NGEF: variants seen among roughly 807,000 people sequenced by gnomAD.
The protein encoded by NGEF is neuronal guanine nucleotide exchange factor.
In NGEF, 31 loss-of-function variants were observed where a neutral mutation model predicts 80.9. The ratio of observed to expected loss-of-function variants is 0.38; its 90% CI spans 0.29 to 0.52. The LOEUF is 0.52. Among genes scored for constraint, NGEF ranks in the 20% least tolerant of loss-of-function variants. NGEF has a pLI of 0.84. For missense variants in NGEF, 709 were observed against 926.2 expected (o/e 0.77, Z 3.04); for synonymous variants, 371 against 370.2 (o/e 1.00, Z -0.03).
intron 1 of NGEF, among the ~76,000 whole-genome samples, chr2:232,995,322 G>A (rs376000355): frequency 2.3e-4 from 1 of 4,412 alleles, no homozygotes; most frequent in African/African-American, 1.7e-3. Context: ...TACTGTATAT[G>A]TGTACAGTAT....
At chr2:233,007,282 G>A (rs956364934) in intron 1 of NGEF, among the ~76,000 whole-genome samples, 9 of 152,128 alleles carry the variant, frequency 5.9e-5, no homozygotes, top group Admixed American at 2.0e-4. Context: ...AACTTTTAAA[G>A]CAAATAGCGT....
At position 232,891,460 on chromosome 2, in the gene NGEF, C is replaced by T. The variant is rs751209744; in HGVS notation, c.1170G>A (p.Leu390=). The T allele has an allele frequency of 1.2e-6, 2 of 1,613,122 alleles. No individual in the cohort carries two copies. The highest frequency in any genetic ancestry group is 1.7e-5 in the Admixed American group (1 of 59,998). The change falls in exon 8 of 15, where the codon CTG becomes CTA. Residue 390 remains leucine (L), a synonymous_variant. Coordinates refer to ENST00000264051, the MANE Select transcript of NGEF (RefSeq NM_019850.3). ...LLQEKAAFRE[L]IAQLELDPKC... ...TGGGGTCGAGCTCTAGCTGCGCGAT[C>T]AGCTCCCGGAAAGCTGCCTTCTCCT... is the stretch of plus-strand genomic sequence containing the variant.
At chr2:232,970,854 C>T (rs1374087271) in intron 2 of NGEF, among the ~76,000 whole-genome samples, 2 of 151,124 alleles carry the variant, frequency 1.3e-5, no homozygotes, top group African/African-American at 4.9e-5. Flanking sequence ...TTTACATATA[C>T]ATAAACATAC....
intron 5 of NGEF, among the ~76,000 whole-genome samples, chr2:232,905,194 C>A (rs2106257110): frequency 6.6e-6 from 1 of 152,290 alleles, no homozygotes; most frequent in Non-Finnish European, 1.5e-5. Flanking sequence ...CTCACTGCAA[C>A]CTCCCTGCCT....
At chr2:232,972,918 G>A (rs759706372) in intron 2 of NGEF, among the ~76,000 whole-genome samples, 4 of 151,752 alleles carry the variant, frequency 2.6e-5, no homozygotes, top group East Asian at 1.9e-4. Context: ...CACCATGCCC[G>A]GCTAATTTTT....
At position 232,953,640 on chromosome 2, in the gene NGEF, G is replaced by A. The variant is rs115317342; in HGVS notation, c.383+16574C>T. Among the ~76,000 whole-genome samples, 1,424 of 152,142 alleles carry A rather than the reference G, an allele frequency of 9.4e-3. 21 individuals are homozygous for A. Among genetic ancestry groups the A allele is most frequent in the African/African-American group, 0.033 (1,358 of 41,482 alleles). ...CCTAGGGGGAGATCTGCCCAGAGCCGGGGTCTTCTCCCAGAAAAGCAGTTC... is the reference window on the plus strand; with the variant it reads ...CCTAGGGGGAGATCTGCCCAGAGCCAGGGTCTTCTCCCAGAAAAGCAGTTC... On this transcript the variant is annotated intron_variant, in intron 3 of 14. Transcript: ENST00000264051.
At position 232,879,425 on chromosome 2, in the gene NGEF, C is replaced by CA; in HGVS notation, c.*63_*64insT. 7.0e-7 allele frequency: 1 copy of CA among 1,424,244 alleles called. No homozygotes were observed. The highest frequency in any genetic ancestry group is 1.4e-5 in the South Asian group (1 of 72,088). 88.2% of individuals were successfully genotyped at this position (1,424,244 alleles called of 1,614,324 possible). A position where few individuals can be genotyped will look rare whatever the true frequency, so the allele number is the denominator to read the frequency against. On this transcript the variant is annotated 3_prime_UTR_variant, in exon 15 of 15. Coordinates refer to ENST00000264051, the MANE Select transcript of NGEF (RefSeq NM_019850.3). The stretch of plus-strand genomic sequence containing the variant: ...GCTGGCCTGTGCTTCCCAGAGCCCC[C>CA]CCCCCCCCACCTTCTGTCGGGGTCT...
In NGEF at chr2:232,974,686, T is replaced by C. The variant is rs1694256137; in HGVS notation, c.205A>G (p.Ile69Val). ...GCCTTGGCTTTGCTTTTGCGTCTTA[T>C]GGAGCGATTGAAGATGGAATTTCTC... The part of the protein sequence containing the change: ...IKRNSIFNRS[I>V]RRKSKAKARD... The change falls in exon 2 of 15, where the codon ATA becomes GTA. Residue 69 changes from isoleucine (I) to valine (V), a missense_variant. Ile to Val is a conservative substitution (Grantham distance 29). Coordinates refer to ENST00000264051, the MANE Select transcript of NGEF (RefSeq NM_019850.3). 1 of 1,614,114 alleles carries C rather than the reference T, an allele frequency of 6.2e-7. No homozygotes were observed. The highest frequency in any genetic ancestry group is 8.5e-7 in the Non-Finnish European group (1 of 1,180,056).
At chr2:232,973,737 A>G (rs11678495) in intron 2 of NGEF, among the ~76,000 whole-genome samples, 89,664 of 152,142 alleles carry the variant, frequency 0.59, 27,629 homozygotes, top group African/African-American at 0.73. Flanking sequence ...GAGGTTAGGT[A>G]AACTGGCCCA....
At chr2:232,955,467 C>T (rs1044931259) in intron 3 of NGEF, among the ~76,000 whole-genome samples, 3 of 152,148 alleles carry the variant, frequency 2.0e-5, no homozygotes, top group African/African-American at 4.8e-5. Context: ...CTGATCAGCT[C>T]TTTGCTGTCC....
intron 1 of NGEF, among the ~76,000 whole-genome samples, chr2:232,998,437 C>T (rs1559242590): frequency 6.6e-6 from 1 of 152,142 alleles, no homozygotes; most frequent in Non-Finnish European, 1.5e-5. Flanking sequence ...AGCATGGCTG[C>T]CCCAGTCAAA....
intron 5 of NGEF, among the ~76,000 whole-genome samples, chr2:232,902,178 C>CA (rs1692376476): frequency 6.6e-6 from 1 of 152,332 alleles, no homozygotes; most frequent in South Asian, 2.1e-4. Context: ...AGCAAGGTCA[C>CA]AAAGTTGCCT....
intron 1 of NGEF, among the ~76,000 whole-genome samples, chr2:232,994,369 C>CAAAAAAAAAAAAAAAA (rs10591943): frequency 7.8e-6 from 1 of 128,980 alleles, no homozygotes. Flanking sequence ...GACTTTGTCT[C>CAAAAAAAAAAAAAAAA]AAAAAAAAAA....
chr2:232,919,476 T>G (rs1213843919), intron 5 of NGEF, among the ~76,000 whole-genome samples: 1 of 152,080 alleles, frequency 6.6e-6, no homozygotes, highest in Non-Finnish European at 1.5e-5. Context: ...CTTTTTAAAT[T>G]TCACAATTAA....
At chr2:232,980,795 G>T (rs6760133) in intron 1 of NGEF, among the ~76,000 whole-genome samples, 94,409 of 152,012 alleles carry the variant, frequency 0.62, 29,790 homozygotes, top group East Asian at 0.87. Flanking sequence ...CAGACAGCTC[G>T]CAGAGCATTC....
chr2:232,967,706 GGTGTGTGTGT>G (rs10686172), intron 3 of NGEF, among the ~76,000 whole-genome samples: 36 of 148,450 alleles, frequency 2.4e-4, no homozygotes, highest in East Asian at 2.0e-4. Flanking sequence ...ATAAAATAGG[GGTGTGTGTGT>G]GTGTGTGTGT....
At chr2:232,948,176 T>C (rs1294584030) in intron 3 of NGEF, among the ~76,000 whole-genome samples, 1 of 150,044 alleles carries the variant, frequency 6.7e-6, no homozygotes, top group East Asian at 2.0e-4. Flanking sequence ...TGTGTGTGTG[T>C]GTGTGTGTAT....
chr2:232,886,486 G>A (rs770090253), intron 9 of NGEF, among the ~76,000 whole-genome samples: 10 of 152,256 alleles, frequency 6.6e-5, no homozygotes, highest in East Asian at 1.9e-4. Flanking sequence ...TGTTTAGGGC[G>A]AGCTGCAGCC....
intron 4 of NGEF, among the ~76,000 whole-genome samples, chr2:232,921,680 T>A (rs1692947132): frequency 6.6e-6 from 1 of 151,728 alleles, no homozygotes. Context: ...CAGGCTGGTC[T>A]TGAATTCCTG....
Sources: allele counts gnomAD v4.1 joint callset (sites outside exome capture counted in the v4.1 genomes callset), GRCh38; gene constraint gnomAD v4.1.1; transcripts MANE v1.5; gene names NCBI Gene and HGNC (gene_info 2026-07-23, HGNC 2026-07-21).